The following REXO1 variants were observed in gnomAD, a reference collection of about 807,000 sequenced individuals.
REXO1 encodes REX1, RNA exonuclease 1 homolog.
REXO1 carries 42 observed loss-of-function variants against 102.6 expected under a neutral mutation model. The observed-to-expected ratio is 0.41, with a 90% CI of 0.32 to 0.53. REXO1 has a LOEUF of 0.53. Ranked by LOEUF, REXO1 falls within the 20% of genes least tolerant of loss-of-function variation. REXO1 has a pLI of 0.27. For synonymous variants in REXO1, 908 were observed against 779.1 expected, an observed-to-expected ratio of 1.17 and a Z score of -2.76; for missense variants, 1,819 against 1,732.5, an observed-to-expected ratio of 1.05 and a Z score of -0.89.
chr19:1,838,252 G>C (rs1015628529), intron 1 of REXO1, among the ~76,000 whole-genome samples: 1 of 150,038 alleles, frequency 6.7e-6, no homozygotes, highest in African/African-American at 2.5e-5. Flanking sequence ...GGAAGGTGGA[G>C]TCTGCAGTGA....
chr19:1,845,208 T>TG (rs1346836643), intron 1 of REXO1, among the ~76,000 whole-genome samples: 1 of 152,096 alleles, frequency 6.6e-6, no homozygotes, highest in African/African-American at 2.4e-5. Context: ...GAGCGGCCAC[T>TG]GGGGGGATAG....
Position 1,816,721 on chromosome 19 carries a change from G to C in REXO1, c.3294C>G (p.Asn1098Lys), listed in dbSNP as rs777650382. The C allele has an allele frequency of 1.4e-5, 23 of 1,612,724 alleles. No homozygotes were observed. The highest frequency in any genetic ancestry group is 1.6e-4 in the Middle Eastern group (1 of 6,084). ...VVYDTFVKPDNEIVDYNTRFS... is the reference protein window; with the variant it reads ...VVYDTFVKPDKEIVDYNTRFS... ...ACCTGGTGTTGTAGTCCACGATCTC[G>C]TTGTCAGGCTTCACGAAGGTGTCAT... Residue 1098 changes from asparagine (N) to lysine (K), a missense_variant, in exon 13 of 16, where the codon AAC (asparagine) becomes AAG (lysine). Coordinates refer to ENST00000170168, the MANE Select transcript of REXO1 (RefSeq NM_020695.4).
Position 1,815,788 on chromosome 19 carries a change from C to T in REXO1, c.*278G>A, listed in dbSNP as rs749431707. ...AGGAGGGGCAGGAGGGGCTGCGGGCCGGGTGGGGGCGGGCTCTGTCCTGGT... is the reference window on the plus strand; with the variant it reads ...AGGAGGGGCAGGAGGGGCTGCGGGCTGGGTGGGGGCGGGCTCTGTCCTGGT... On this transcript the variant is annotated 3_prime_UTR_variant, in exon 16 of 16. Coordinates refer to ENST00000170168, the MANE Select transcript of REXO1 (RefSeq NM_020695.4). This position sits in a 1 kb window ranked among gnomAD's most constrained non-coding sequence, Gnocchi z 4.0. The T allele has an allele frequency of 5.1e-5, 73 of 1,444,402 alleles. No homozygotes were observed. The South Asian group carries it at 7.7e-4, about 15-fold the overall frequency. The allele number at this position is 1,444,402 out of a possible 1,614,324, so 89.5% of individuals were successfully genotyped here.
chr19:1,846,278 C>G (rs1056332247), intron 1 of REXO1, among the ~76,000 whole-genome samples: 6 of 152,172 alleles, frequency 3.9e-5, no homozygotes, highest in African/African-American at 1.4e-4. Context: ...CAGAGGGCAG[C>G]CTGATGAACA....
intron 10 of REXO1, 111 bp from the exon 11 acceptor site, chr19:1,817,891 C>T (rs997152830): frequency 1.9e-5 from 15 of 791,446 alleles, no homozygotes; most frequent in Non-Finnish European, 3.1e-5. Flanking sequence ...GGACTGAGGA[C>T]AGGAGGCCTC....
chr19:1,829,266 AGTCT>A (rs967053702), intron 1 of REXO1, among the ~76,000 whole-genome samples: 2 of 151,506 alleles, frequency 1.3e-5, no homozygotes, highest in African/African-American at 4.8e-5. Flanking sequence ...TTTTTGAGAC[AGTCT>A]CTCTGCTGCC....
In REXO1 at chr19:1,827,796, C is replaced by T; in HGVS notation, c.993G>A (p.Gly331=). ...TCTCCTTGGTCTCCCGCAGGCCGCC[C>T]CCCTCGGCCTCCAGGCCCTCTTTGG... is the stretch of plus-strand genomic sequence containing the variant. ...PPSKEGLEAE[G]GGLRETKETA... Residue 331 remains glycine (G), a synonymous_variant, in exon 2 of 16, where the codon GGG becomes GGA. Coordinates refer to ENST00000170168, the MANE Select transcript of REXO1 (RefSeq NM_020695.4). 5 of 1,596,142 alleles carry T rather than the reference C, an allele frequency of 3.1e-6. No individual in the cohort carries two copies. The highest frequency in any genetic ancestry group is 4.3e-6 in the Non-Finnish European group (5 of 1,175,258).
chr19:1,820,019 G>C lies in REXO1; in HGVS notation c.2565C>G (p.Pro855=). 6 of 1,602,768 alleles carry C rather than the reference G, an allele frequency of 3.7e-6. No homozygotes were observed. The highest frequency in any genetic ancestry group is 5.1e-6 in the Non-Finnish European group (6 of 1,176,984). Residue 855 remains proline (P), a synonymous_variant, in exon 7 of 16, where the codon CCC becomes CCG. Coordinates refer to ENST00000170168, the MANE Select transcript of REXO1 (RefSeq NM_020695.4). Reference sequence around the variant, plus strand: ...CCACATTCAGGTAGATGTTCTTGCTGGGGCTGCGGTCATAGGCCACCTTCT... The same window carrying C: ...CCACATTCAGGTAGATGTTCTTGCTCGGGCTGCGGTCATAGGCCACCTTCT... ...NEEKVAYDRS[P]SKNIYLNVAV...
At position 1,832,805 on chromosome 19, in the gene REXO1, A is replaced by G. The variant is rs765684209; in HGVS notation, c.158-4174T>C. Among the ~76,000 whole-genome samples, 64 of 151,854 alleles carry G rather than the reference A, an allele frequency of 4.2e-4. 1 individual carries two copies. The Middle Eastern group carries it at 0.014, about 32-fold the overall frequency. On this transcript the variant is annotated intron_variant, in intron 1 of 15. Coordinates refer to ENST00000170168, the MANE Select transcript of REXO1 (RefSeq NM_020695.4). ...GGGGCGTGCACCTGTAATCCCAGCT[A>G]CTGAGGAGGCTGAGGCAGGAGAATC...
chr19:1,830,547 G>A (rs952538487), intron 1 of REXO1, among the ~76,000 whole-genome samples: 1 of 152,190 alleles, frequency 6.6e-6, no homozygotes, highest in African/African-American at 2.4e-5. Flanking sequence ...ATGTAATTCC[G>A]TAACATCTCT....
In REXO1 at chr19:1,826,711, G is replaced by C. The variant is rs1390351152; in HGVS notation, c.1911+167C>G. 6.6e-6 allele frequency among the ~76,000 whole-genome samples: 1 copy of C among 152,034 alleles called. No homozygotes were observed. Among genetic ancestry groups the C allele is most frequent in the Non-Finnish European group, 1.5e-5 (1 of 67,986 alleles). ...CAACAGGAGCAACAGGGCTGCCCGG[G>C]TGCTCCTGAGCTCCTGAGATTTCAA... On this transcript the variant is annotated intron_variant, in intron 2 of 15. Transcript: ENST00000170168. This position sits in a 1 kb window ranked among gnomAD's most constrained non-coding sequence, Gnocchi z 4.3.
intron 10 of REXO1, 53 bp from the exon 11 acceptor site, chr19:1,817,833 C>T (rs1259207812): frequency 1.1e-5 from 16 of 1,471,712 alleles, no homozygotes; most frequent in Non-Finnish European, 1.5e-5. Flanking sequence ...ACTCCACAGC[C>T]CCCGGGGCAC....
chr19:1,816,764 G>A lies in REXO1; in HGVS notation c.3251C>T (p.Thr1084Met), dbSNP rs372801042. The part of the protein sequence containing the change: ...LELTRVTVVD[T>M]DVHVVYDTFV... ...GGTGTCATAAACCACGTGCACGTCCGTGTCGACCACCGTGACGCGCGTCAG... is the reference window on the plus strand; with the variant it reads ...GGTGTCATAAACCACGTGCACGTCCATGTCGACCACCGTGACGCGCGTCAG... Residue 1084 changes from threonine (T) to methionine (M), a missense_variant, in exon 13 of 16, where the codon ACG (threonine) becomes ATG (methionine). By Grantham distance (81) the Thr-to-Met change is moderately conservative. Coordinates refer to ENST00000170168, the MANE Select transcript of REXO1 (RefSeq NM_020695.4). 24 of 1,612,426 alleles carry A rather than the reference G, an allele frequency of 1.5e-5. 1 individual carries two copies. The highest frequency in any genetic ancestry group is 4.4e-5 in the South Asian group (4 of 91,036).
Position 1,827,093 on chromosome 19 carries a change from GC to G in REXO1, c.1695del (p.Pro566ArgfsTer87). 6.5e-7 allele frequency: 1 copy of G among 1,541,124 alleles called. No individual in the cohort carries two copies. The highest frequency in any genetic ancestry group is 8.7e-7 in the Non-Finnish European group (1 of 1,145,344). On this transcript the variant is annotated frameshift_variant, in exon 2 of 16. Coordinates refer to ENST00000170168, the MANE Select transcript of REXO1 (RefSeq NM_020695.4). LOFTEE classifies it high-confidence loss of function. ...DSSLGFPEAQ[G>X]PPKRLKASPP... ...GGGGAGGCCTTGAGCCGCTTGGGCG[GC>G]CCCTGCGCCTCCGGGAAGCCCAGGC...
Position 1,827,362 on chromosome 19 carries a change from G to C in REXO1, c.1427C>G (p.Pro476Arg), listed in dbSNP as rs965102608. The change falls in exon 2 of 16, where the codon CCC (proline) becomes CGC (arginine). Residue 476 changes from proline to arginine, a missense_variant. Coordinates refer to ENST00000170168, the MANE Select transcript of REXO1 (RefSeq NM_020695.4). ...GCTCTTCCTGTCGGGCAGCTGGAGG[G>C]GGCGGGGTGGGCCTCTGCCGGCCGC... Reference protein sequence around the residue: ...RPAAGRGPPRPLQLPDRKSTK... With the variant: ...RPAAGRGPPRRLQLPDRKSTK... The C allele has an allele frequency of 2.6e-6, 4 of 1,541,906 alleles. No individual in the cohort carries two copies. The African/African-American group carries it at 5.5e-5, about 21-fold the overall frequency.
intron 4 of REXO1, 131 bp downstream of exon 4, chr19:1,823,441 G>C (rs1401548947): frequency 3.4e-6 from 2 of 582,746 alleles, no homozygotes; most frequent in Non-Finnish European, 5.1e-6. Flanking sequence ...GAGGGCCCCA[G>C]GGAGGGGGCC....
In REXO1 at chr19:1,827,856, G is replaced by A. The variant is rs373692115; in HGVS notation, c.933C>T (p.Ala311=). The change falls in exon 2 of 16, where the codon GCC becomes GCT. Residue 311 remains alanine (A), a synonymous_variant. Coordinates refer to ENST00000170168, the MANE Select transcript of REXO1 (RefSeq NM_020695.4). ...PTTASTPKAR[A]DPEIKATGQP... ...GCCCGGTGGCCTTGATCTCAGGGTC[G>A]GCCCTGGCTTTGGGGGTGCTGGCCG... 2.3e-5 allele frequency: 37 copies of A among 1,613,238 alleles called. No individual in the cohort carries two copies. The highest frequency in any genetic ancestry group is 1.0e-4 in the Admixed American group (6 of 59,990).
intron 1 of REXO1, among the ~76,000 whole-genome samples, chr19:1,832,008 G>C (rs2069919678): frequency 6.6e-6 from 1 of 151,806 alleles, no homozygotes; most frequent in Non-Finnish European, 1.5e-5. Flanking sequence ...ACCTCACTCA[G>C]CCAATAGACT....
intron 4 of REXO1, chr19:1,822,514 G>T (rs369675940): frequency 1.3e-5 from 2 of 152,346 alleles, no homozygotes; most frequent in Non-Finnish European, 1.5e-5. Flanking sequence ...CCGCCCTGCG[G>T]CACTGCCAGC....
Sources: gnomAD v4.1 joint callset for allele counts (sites outside exome capture counted in the v4.1 genomes callset) on GRCh38, gnomAD v4.1.1 for gene constraint, Gnocchi (gnomAD v3.1) non-coding constraint, MANE v1.5 for transcripts, NCBI Gene and HGNC (gene_info 2026-07-23, HGNC 2026-07-21) for gene names.